The following RGS6 variants were observed in gnomAD, a reference collection of about 807,000 sequenced individuals.
RGS6 encodes regulator of G-protein signaling 6.
In RGS6, 30 loss-of-function variants were observed where a neutral mutation model predicts 78.5. That is an observed-to-expected ratio of 0.38 (90% CI 0.29 to 0.52). The LOEUF is 0.52. Ranked by LOEUF, RGS6 falls within the 20% of genes least tolerant of loss-of-function variation. RGS6 has a pLI of 0.85. For missense variants in RGS6, 495 were observed against 609.7 expected (o/e 0.81, Z 1.98); for synonymous variants, 206 against 206.0 (o/e 1.00, Z 0.00).
At chr14:72,129,814 A>G (rs1878393162) in intron 2 of RGS6, among the ~76,000 whole-genome samples, 1 of 152,212 alleles carries the variant, frequency 6.6e-6, no homozygotes, top group South Asian at 2.1e-4. Context: ...TAAGCAGACA[A>G]GGGGGCCAGA....
intron 13 of RGS6, among the ~76,000 whole-genome samples, chr14:72,508,096 G>T (rs1008392000): frequency 2.0e-5 from 3 of 152,158 alleles, no homozygotes; most frequent in African/African-American, 7.2e-5. Flanking sequence ...GTGTTTCATG[G>T]AGTCTCCCAT....
At position 72,157,822 on chromosome 14, in the gene RGS6, T is replaced by C. The variant is rs1247148365; in HGVS notation, c.84+192947T>C. On this transcript the variant is annotated intron_variant, in intron 2 of 17. Coordinates refer to ENST00000553525, the MANE Select transcript of RGS6 (RefSeq NM_001204424.2). ...GAGTGTAAAGATGCAGGACCACCAT[T>C]CCTTTGTTCATTCTTTTTTTTTCTT... 1.3e-5 allele frequency among the ~76,000 whole-genome samples: 2 copies of C among 152,252 alleles called. 1 individual carries two copies. The highest frequency in any genetic ancestry group is 6.8e-3 in the Middle Eastern group (2 of 294).
At chr14:72,147,968 A>G (rs914425281) in intron 2 of RGS6, among the ~76,000 whole-genome samples, 15 of 152,006 alleles carry the variant, frequency 9.9e-5, no homozygotes, top group Non-Finnish European at 1.2e-4. Context: ...CATCTCTACT[A>G]AAAATACAAA....
intron 14 of RGS6, among the ~76,000 whole-genome samples, chr14:72,513,594 G>A (rs1355847214): frequency 1.3e-5 from 2 of 152,212 alleles, no homozygotes; most frequent in Admixed American, 1.3e-4. Context: ...CAAGGCAGGG[G>A]CCTCACAGCT....
intron 12 of RGS6, among the ~76,000 whole-genome samples, chr14:72,480,198 C>A (rs2096341797): frequency 6.6e-6 from 1 of 152,188 alleles, no homozygotes; most frequent in South Asian, 2.1e-4. Flanking sequence ...AAGCCATTGC[C>A]TGCTACTCAG....
chr14:72,253,503 C>T (rs184412734), intron 2 of RGS6, among the ~76,000 whole-genome samples: 2 of 152,186 alleles, frequency 1.3e-5, no homozygotes, highest in African/African-American at 4.8e-5. Flanking sequence ...AATTCTATGG[C>T]AAAAGCAGCT....
chr14:72,057,975 A>T (rs575987930), intron 2 of RGS6, among the ~76,000 whole-genome samples: 1 of 152,344 alleles, frequency 6.6e-6, no homozygotes, highest in East Asian at 1.9e-4. Context: ...TCTGCATGCA[A>T]GAATGACATA....
At chr14:72,283,020 A>G (rs1011160452) in intron 2 of RGS6, among the ~76,000 whole-genome samples, 2 of 152,160 alleles carry the variant, frequency 1.3e-5, no homozygotes, top group African/African-American at 4.8e-5. Flanking sequence ...AAGTGTGACC[A>G]TGTAGTATTT....
intron 2 of RGS6, among the ~76,000 whole-genome samples, chr14:72,022,001 C>T (rs893402536): frequency 6.6e-6 from 1 of 152,134 alleles, no homozygotes; most frequent in African/African-American, 2.4e-5. Flanking sequence ...ATTTAGCTCC[C>T]ACTTATAAGA....
chr14:72,053,079 C>CCCTCCCTTCCCTCCCTTCCTTCCTTCCTT (rs2093415805), intron 2 of RGS6, among the ~76,000 whole-genome samples: 1 of 17,028 alleles, frequency 5.9e-5, no homozygotes, highest in African/African-American at 3.4e-4. Flanking sequence ...CTCCCTCCCT[C>CCCTCCCTTCCCTCCCTTCCTTCCTTCCTT]CCTTCCTTCC....
rs200117420 is a variant in RGS6, at chr14:71,933,118, CTG to C, written c.-21+180_-21+181del. 3.4e-3 allele frequency: 519 copies of C among 152,814 alleles called. 4 individuals are homozygous for C. Among genetic ancestry groups the C allele is most frequent in the African/African-American group, 0.012 (493 of 41,532 alleles). 9.5% of individuals were successfully genotyped at this position (152,814 alleles called of 1,614,324 possible). ...GTGTGTGTGTGTCTGCAGTTTGGGA[CTG>C]TGGAAGCACGAGCTTACATAAGTGG... On this transcript the variant is annotated intron_variant, in intron 1 of 17. Coordinates refer to ENST00000553525, the MANE Select transcript of RGS6 (RefSeq NM_001204424.2).
chr14:72,142,003 T>C (rs2096546706), intron 2 of RGS6, among the ~76,000 whole-genome samples: 1 of 152,152 alleles, frequency 6.6e-6, no homozygotes, highest in South Asian at 2.1e-4. Context: ...GACCCCTCTC[T>C]TGAGGCTTAC....
At chr14:72,322,693 T>C (rs2072428902) in intron 2 of RGS6, among the ~76,000 whole-genome samples, 1 of 152,112 alleles carries the variant, frequency 6.6e-6, no homozygotes, top group South Asian at 2.1e-4. Flanking sequence ...AAGAATTTGC[T>C]ATGTTCAAAT....
intron 2 of RGS6, among the ~76,000 whole-genome samples, chr14:71,998,029 C>G (rs1274316033): frequency 6.6e-6 from 1 of 152,136 alleles, no homozygotes; most frequent in Non-Finnish European, 1.5e-5. Context: ...TGACGACGTG[C>G]TCAAGCTGGT....
chr14:71,980,908 G>A (rs1211696082), intron 2 of RGS6, among the ~76,000 whole-genome samples: 11 of 93,404 alleles, frequency 1.2e-4, no homozygotes, highest in South Asian at 4.8e-4. Flanking sequence ...CCAATCAGAC[G>A]TAGATTTGGT....
the RGS6 span, among the ~76,000 whole-genome samples, chr14:72,614,424 C>G: frequency 6.6e-6 from 1 of 152,170 alleles, no homozygotes; most frequent in African/African-American, 2.4e-5. Flanking sequence ...GGAGCTCTGT[C>G]CACTTTGCAG....
At chr14:72,053,086 T>TTCCC in intron 2 of RGS6, among the ~76,000 whole-genome samples, 1 of 25,752 alleles carries the variant, frequency 3.9e-5, no homozygotes, top group African/African-American at 1.5e-4. Flanking sequence ...CCTCCCTTCC[T>TTCCC]TCCTTCCTTC....
At chr14:72,282,541 G>A (rs2152256631) in intron 2 of RGS6, among the ~76,000 whole-genome samples, 1 of 152,258 alleles carries the variant, frequency 6.6e-6, no homozygotes, top group Non-Finnish European at 1.5e-5. Flanking sequence ...TGCTACTCCT[G>A]GTTTAAGACA....
chr14:72,310,138 C>T (rs1287014602), intron 2 of RGS6, among the ~76,000 whole-genome samples: 1 of 152,204 alleles, frequency 6.6e-6, no homozygotes, highest in Non-Finnish European at 1.5e-5. Context: ...CCGGTGTTCC[C>T]ATAGCCCTGT....
Sources: allele counts gnomAD v4.1 joint callset (sites outside exome capture counted in the v4.1 genomes callset), GRCh38; gene constraint gnomAD v4.1.1; transcripts MANE v1.5; gene names NCBI Gene and HGNC (gene_info 2026-07-23, HGNC 2026-07-21).